ALG14: variants seen among roughly 807,000 people sequenced by gnomAD.
ALG14 encodes the protein UDP-N-acetylglucosamine transferase subunit ALG14.
In ALG14, 17 loss-of-function variants were observed where a neutral mutation model predicts 22.8. That is an observed-to-expected ratio of 0.75 (90% confidence interval 0.51 to 1.12). The LOEUF is 1.12. Ranked by LOEUF, ALG14 falls within the 50% of genes most tolerant of loss-of-function variation. ALG14 has a pLI of 0.00. For missense variants in ALG14, 288 were observed against 271.8 expected, an observed-to-expected ratio of 1.06 and a Z score of -0.42; for synonymous variants, 89 against 103.7, an observed-to-expected ratio of 0.86 and a Z score of 0.86.
At chr1:95,000,716 T>C (rs551646895) in intron 3 of ALG14, among the ~76,000 whole-genome samples, 17 of 147,504 alleles carry the variant, frequency 1.2e-4, no homozygotes, top group African/African-American at 3.5e-4. Context: ...ATTTGGCCAG[T>C]GTGAGTTAAT....
At chr1:95,012,634 C>T (rs1673397964) in intron 3 of ALG14, among the ~76,000 whole-genome samples, 1 of 152,174 alleles carries the variant, frequency 6.6e-6, no homozygotes, top group Non-Finnish European at 1.5e-5. Context: ...TGGGTTTCTC[C>T]TTGAGAACAT....
At chr1:95,064,532 A>G (rs893771062) in intron 2 of ALG14, among the ~76,000 whole-genome samples, 1 of 152,150 alleles carries the variant, frequency 6.6e-6, no homozygotes, top group South Asian at 2.1e-4. Flanking sequence ...GTGTCTATTG[A>G]GATAATTACG....
chr1:95,039,205 G>A (rs1274206334), intron 2 of ALG14, among the ~76,000 whole-genome samples: 1 of 152,188 alleles, frequency 6.6e-6, no homozygotes, highest in African/African-American at 2.4e-5. Context: ...CTGGGGAACT[G>A]TATTTTGGTA....
chr1:95,014,477 C>T (rs185687364), intron 3 of ALG14, among the ~76,000 whole-genome samples: 299 of 152,272 alleles, frequency 2.0e-3, no homozygotes, highest in Middle Eastern at 3.4e-3. Flanking sequence ...CCAGATCATC[C>T]TTCCTTCTTA....
At chr1:94,986,902 T>A (rs990150804) in intron 3 of ALG14, among the ~76,000 whole-genome samples, 1 of 152,006 alleles carries the variant, frequency 6.6e-6, no homozygotes, top group South Asian at 2.1e-4. Context: ...AGAGGATGTA[T>A]GACTCCAGTC....
chr1:95,053,530 C>A (rs7532771), intron 2 of ALG14, among the ~76,000 whole-genome samples: 1 of 152,062 alleles, frequency 6.6e-6, no homozygotes, highest in Non-Finnish European at 1.5e-5. Context: ...TTTTTACATA[C>A]CTGTCTCTGT....
rs776109748 is a variant in ALG14, at chr1:94,983,197, C to A, written c.530G>T (p.Arg177Leu). 5.0e-6 allele frequency: 8 copies of A among 1,614,082 alleles called. No homozygotes were observed. Among genetic ancestry groups the A allele is most frequent in the Admixed American group, 1.7e-5 (1 of 60,014 alleles). ...VIIVYVESIC[R>L]VETLSMSGKI... ...TCCGGACATGGATAACGTTTCTACA[C>A]GGCAGATGCTTTCAACGTAGACAAT... Residue 177 changes from arginine (R) to leucine (L), a missense_variant, in exon 4 of 4, where the codon CGT becomes CTT. Physicochemically the swap from Arg to Leu is moderately radical, Grantham distance 102 (BLOSUM62 -2). Transcript: ENST00000370205.
intron 2 of ALG14, among the ~76,000 whole-genome samples, chr1:95,055,480 C>T (rs1045278374): frequency 5.3e-5 from 8 of 151,722 alleles, no homozygotes; most frequent in Non-Finnish European, 1.0e-4. Flanking sequence ...ATGCAAGACT[C>T]TTATAAAGAC....
intron 3 of ALG14, among the ~76,000 whole-genome samples, chr1:95,008,391 C>G (rs921777504): frequency 6.6e-6 from 1 of 152,086 alleles, no homozygotes; most frequent in African/African-American, 2.4e-5. Context: ...GTGAGATAAG[C>G]TTATGTTTCT....
At chr1:95,034,327 C>T (rs1414772258) in intron 2 of ALG14, among the ~76,000 whole-genome samples, 1 of 152,210 alleles carries the variant, frequency 6.6e-6, no homozygotes, top group Non-Finnish European at 1.5e-5. Flanking sequence ...TGTAGTCTGC[C>T]CCTCTTCCAG....
intron 2 of ALG14, among the ~76,000 whole-genome samples, chr1:95,033,657 G>A (rs61772643): frequency 7.9e-4 from 120 of 151,980 alleles, no homozygotes; most frequent in South Asian, 1.5e-3. Flanking sequence ...GATCTATGAG[G>A]TTGCCAGGGA....
intron 2 of ALG14, among the ~76,000 whole-genome samples, chr1:95,029,549 G>C (rs1380711886): frequency 6.6e-6 from 1 of 152,188 alleles, no homozygotes; most frequent in East Asian, 1.9e-4. Flanking sequence ...GAAAAGAACA[G>C]AATAATTAAT....
At position 94,982,699 on chromosome 1, in the gene ALG14, CAAA is replaced by C. The variant is rs368855559; in HGVS notation, c.*374_*376del. The C allele has an allele frequency of 3.3e-3, 261 of 79,484 alleles. No individual in the cohort carries two copies. The highest frequency in any genetic ancestry group is 0.012 in the African/African-American group (242 of 20,192). The allele number at this position is 79,484 out of a possible 1,614,324, so 4.9% of individuals were successfully genotyped here. On this transcript the variant is annotated 3_prime_UTR_variant, in exon 4 of 4. Transcript: ENST00000370205. ...TTCTTTTACAATGCAGAATACTTTACAAAAAAAAAAAAAAAAAAAAAAAGCTGT... is the reference window on the plus strand; with the variant it reads ...TTCTTTTACAATGCAGAATACTTTACAAAAAAAAAAAAAAAAAAAAGCTGT...
In ALG14 at chr1:94,978,724, C is replaced by T. The variant is rs1343042532; in HGVS notation, c.*4352G>A. The T allele has an allele frequency of 6.6e-6, 1 of 152,048 alleles. No individual in the cohort carries two copies. The allele number at this position is 152,048 out of a possible 1,614,324, so 9.4% of individuals were successfully genotyped here. On this transcript the variant is annotated 3_prime_UTR_variant, in exon 4 of 4. Transcript: ENST00000370205. ...TATCCTTTGGAACTCAGGTAAAATACCACTTTCTTAGAAAGGCCTTTCCTG... is the reference window on the plus strand; with the variant it reads ...TATCCTTTGGAACTCAGGTAAAATATCACTTTCTTAGAAAGGCCTTTCCTG...
At chr1:95,059,480 A>C (rs1675061723) in intron 2 of ALG14, among the ~76,000 whole-genome samples, 2 of 151,690 alleles carry the variant, frequency 1.3e-5, no homozygotes, top group Non-Finnish European at 2.9e-5. Context: ...ATGAAATTTA[A>C]AAAGTTATTT....
chr1:95,068,679 T>C (rs919296760), intron 1 of ALG14, among the ~76,000 whole-genome samples: 3 of 152,176 alleles, frequency 2.0e-5, no homozygotes, highest in African/African-American at 2.4e-5. Flanking sequence ...CTCCAAAATT[T>C]TGGGCATGAA....
chr1:95,071,460 C>T (rs975247013), intron 1 of ALG14, among the ~76,000 whole-genome samples: 7 of 152,138 alleles, frequency 4.6e-5, no homozygotes, highest in African/African-American at 1.7e-4. Flanking sequence ...AGGAGAATGG[C>T]TTGAATTTGG....
Position 94,978,717 on chromosome 1 carries a change from T to G in ALG14, c.*4359A>C, listed in dbSNP as rs1672440675. ...AAGGCATTATCCTTTGGAACTCAGG[T>G]AAAATACCACTTTCTTAGAAAGGCC... On this transcript the variant is annotated 3_prime_UTR_variant, in exon 4 of 4. Transcript: ENST00000370205. 6.6e-6 allele frequency: 1 copy of G among 152,090 alleles called. No homozygotes were observed. The highest frequency in any genetic ancestry group is 1.9e-4 in the East Asian group (1 of 5,178). The allele number at this position is 152,090 out of a possible 1,614,324, so 9.4% of individuals were successfully genotyped here.
chr1:95,014,709 A>T (rs1441321235), intron 3 of ALG14, among the ~76,000 whole-genome samples: 1 of 152,200 alleles, frequency 6.6e-6, no homozygotes, highest in African/African-American at 2.4e-5. Context: ...TTTATAAATA[A>T]TTTTTATTTG....
Sources: allele counts gnomAD v4.1 joint callset (sites outside exome capture counted in the v4.1 genomes callset), GRCh38; gene constraint gnomAD v4.1.1; transcripts MANE v1.5; gene names NCBI Gene and HGNC (gene_info 2026-07-23, HGNC 2026-07-21).